ADCK1: variants seen among roughly 807,000 people sequenced by gnomAD.
ADCK1 encodes the protein aarF domain-containing protein kinase 1.
In ADCK1, 41 loss-of-function variants were observed where a neutral mutation model predicts 52.3. The observed-to-expected ratio is 0.78, with a 90% CI of 0.61 to 1.02. ADCK1 has a LOEUF of 1.02. Ranked by LOEUF, ADCK1 falls within the 50% of genes least tolerant of loss-of-function variation. The probability of loss-of-function intolerance (pLI) is 0.00; values close to 1 mark genes in which losing one functional copy is unlikely to be tolerated. For missense variants in ADCK1, 658 were observed against 679.5 expected (o/e 0.97, Z 0.35); for synonymous variants, 250 against 274.6 (o/e 0.91, Z 0.89).
intron 4 of ADCK1, among the ~76,000 whole-genome samples, chr14:77,873,611 G>A (rs563046155): frequency 6.6e-6 from 1 of 152,312 alleles, no homozygotes; most frequent in South Asian, 2.1e-4. Flanking sequence ...CTTTGGCTGT[G>A]TCCCCATGCA....
intron 5 of ADCK1, among the ~76,000 whole-genome samples, chr14:77,889,770 A>G (rs961969672): frequency 6.6e-6 from 1 of 152,068 alleles, no homozygotes; most frequent in Non-Finnish European, 1.5e-5. Context: ...GGATAGGGAT[A>G]TCCCTGTTGG....
intron 4 of ADCK1, among the ~76,000 whole-genome samples, chr14:77,885,511 A>C (rs1030636017): frequency 6.6e-6 from 1 of 152,162 alleles, no homozygotes; most frequent in African/African-American, 2.4e-5. Context: ...AACAATGATG[A>C]CAGGGCTGGA....
At chr14:77,930,370 C>G (rs1375452570) in intron 9 of ADCK1, among the ~76,000 whole-genome samples, 1 of 152,112 alleles carries the variant, frequency 6.6e-6, no homozygotes, top group African/African-American at 2.4e-5. Context: ...CAGCAGCACC[C>G]CGGGTCTCCT....
chr14:77,871,530 G>A (rs2082778342), intron 4 of ADCK1, among the ~76,000 whole-genome samples: 2 of 152,078 alleles, frequency 1.3e-5, no homozygotes, highest in Admixed American at 6.6e-5. Flanking sequence ...GCTAATTTTT[G>A]TATTTTTAGT....
At chr14:77,898,551 A>G (rs1011963320) in intron 5 of ADCK1, among the ~76,000 whole-genome samples, 2 of 152,178 alleles carry the variant, frequency 1.3e-5, no homozygotes, top group African/African-American at 4.8e-5. Flanking sequence ...AAAAAAACCC[A>G]AAGACCGCTT....
intron 4 of ADCK1, among the ~76,000 whole-genome samples, chr14:77,867,988 C>T (rs777302081): frequency 3.9e-5 from 6 of 152,176 alleles, no homozygotes; most frequent in Middle Eastern, 3.2e-3. Flanking sequence ...CGAGTTGTTG[C>T]GAGAGCAAAA....
chr14:77,907,301 C>T (rs781259746), intron 6 of ADCK1, among the ~76,000 whole-genome samples: 5 of 152,304 alleles, frequency 3.3e-5, no homozygotes, highest in South Asian at 2.1e-4. Context: ...CCCCAGGAAA[C>T]GTGTTTTCCT....
intron 3 of ADCK1, among the ~76,000 whole-genome samples, chr14:77,823,104 G>T (rs1289764579): frequency 2.6e-5 from 4 of 152,190 alleles, no homozygotes; most frequent in African/African-American, 7.2e-5. Context: ...CAAACTCTCT[G>T]TCGTCACTTG....
rs373090246 is a variant in ADCK1, at chr14:77,915,596, TCACGTC to T, written c.858+7679_858+7684del. 5.9e-5 allele frequency among the ~76,000 whole-genome samples: 9 copies of T among 152,262 alleles called. No homozygotes were observed. The East Asian group carries it at 1.2e-3, about 20-fold the overall frequency. Reference sequence around the variant, plus strand: ...TATGCAGCCATAAAAAATGATGAGTTCACGTCCTTTGTAGGGACATGGATGAAACTG... The same window carrying T: ...TATGCAGCCATAAAAAATGATGAGTTCTTTGTAGGGACATGGATGAAACTG... On this transcript the variant is annotated intron_variant, in intron 7 of 10. Transcript: ENST00000238561.
At chr14:77,815,661 G>A (rs2081432962) in intron 1 of ADCK1, among the ~76,000 whole-genome samples, 1 of 151,314 alleles carries the variant, frequency 6.6e-6, no homozygotes, top group African/African-American at 2.4e-5. Flanking sequence ...TGGGACTACA[G>A]GTGCACACCA....
intron 3 of ADCK1, among the ~76,000 whole-genome samples, chr14:77,833,370 A>G (rs2081897287): frequency 6.6e-6 from 1 of 152,138 alleles, no homozygotes; most frequent in Admixed American, 6.6e-5. Flanking sequence ...TTTGTTTGTC[A>G]TCACGGAATG....
chr14:77,826,891 A>G (rs10150446), intron 3 of ADCK1, among the ~76,000 whole-genome samples: 28,719 of 152,008 alleles, frequency 0.19, 3,202 homozygotes, highest in African/African-American at 0.3. Flanking sequence ...AGGAAACCTG[A>G]GCACCAGAGC....
intron 1 of ADCK1, among the ~76,000 whole-genome samples, chr14:77,804,820 T>A (rs963847773): frequency 2.6e-5 from 4 of 152,208 alleles, no homozygotes; most frequent in African/African-American, 9.7e-5. Context: ...AGCCTGAGGT[T>A]CAATTCTGGC....
chr14:77,877,367 A>G (rs993593633), intron 4 of ADCK1, among the ~76,000 whole-genome samples: 1 of 152,238 alleles, frequency 6.6e-6, no homozygotes, highest in African/African-American at 2.4e-5. Context: ...GCTGTAAGTG[A>G]AGAATGCTGT....
chr14:77,916,459 T>A (rs1485048684), intron 7 of ADCK1, among the ~76,000 whole-genome samples: 1 of 152,074 alleles, frequency 6.6e-6, no homozygotes, highest in Non-Finnish European at 1.5e-5. Context: ...TTCTTTCTAT[T>A]TATTTATTTA....
chr14:77,927,751 C>T (rs1344478549), intron 9 of ADCK1, among the ~76,000 whole-genome samples: 1 of 152,200 alleles, frequency 6.6e-6, no homozygotes, highest in Non-Finnish European at 1.5e-5. Context: ...TCCAGGCACA[C>T]TCAAGCCAAG....
chr14:77,814,192 C>A (rs1368949915), intron 1 of ADCK1, among the ~76,000 whole-genome samples: 5 of 152,018 alleles, frequency 3.3e-5, no homozygotes, highest in Non-Finnish European at 7.4e-5. Context: ...GATCCTCCCA[C>A]CTCAGCCTCC....
intron 9 of ADCK1, among the ~76,000 whole-genome samples, chr14:77,929,560 C>A (rs1045494282): frequency 6.6e-6 from 1 of 152,224 alleles, no homozygotes; most frequent in Non-Finnish European, 1.5e-5. Flanking sequence ...TGGCAAGGGG[C>A]TGAGAGCTCA....
At chr14:77,878,042 C>T (rs745459991) in intron 4 of ADCK1, among the ~76,000 whole-genome samples, 34 of 152,218 alleles carry the variant, frequency 2.2e-4, no homozygotes, top group Admixed American at 1.3e-4. Context: ...CTTATGGTGC[C>T]AGCTTTCCCT....
Sources: allele counts gnomAD v4.1 joint callset (sites outside exome capture counted in the v4.1 genomes callset), GRCh38; gene constraint gnomAD v4.1.1; transcripts MANE v1.5; gene names NCBI Gene and HGNC (gene_info 2026-07-23, HGNC 2026-07-21).